SGSM2: variants seen among roughly 807,000 people sequenced by gnomAD.
The protein encoded by SGSM2 is small G protein signaling modulator 2.
SGSM2 carries 89 observed loss-of-function variants against 126.6 expected under a neutral mutation model. The observed-to-expected ratio is 0.70, with a 90% CI of 0.59 to 0.84. The LOEUF is 0.84. SGSM2 is among the 40% of genes least tolerant of loss of function. The probability of loss-of-function intolerance (pLI) is 0.00; values close to 1 mark genes in which losing one functional copy is unlikely to be tolerated. For missense variants in SGSM2, 1,404 were observed against 1,416.6 expected (o/e 0.99, Z 0.14); for synonymous variants, 614 against 574.3 (o/e 1.07, Z -0.99).
rs1036687145 is a variant in SGSM2 at position 2,380,068 on chromosome 17, C to T, written c.*548C>T. 1.1e-5 allele frequency: 16 copies of T among 1,409,618 alleles called. No homozygotes were observed. The highest frequency in any genetic ancestry group is 2.6e-4 in the Middle Eastern group (1 of 3,812). The allele number at this position is 1,409,618 out of a possible 1,614,324, so 87.3% of individuals were successfully genotyped here. On this transcript the variant is annotated 3_prime_UTR_variant, in exon 24 of 24. Transcript: ENST00000268989. Reference sequence around the variant, plus strand: ...AGACCCGGGCACGGGAGACCCGGGCCGCCTTCAGGCCGCTCCCCCGAGATT... The same window carrying T: ...AGACCCGGGCACGGGAGACCCGGGCTGCCTTCAGGCCGCTCCCCCGAGATT...
rs1567858264 is a variant in SGSM2, at chr17:2,380,523, C to G, written c.*1003C>G. Reference sequence around the variant, plus strand: ...TCCCTGGTGAGAAGCAAGGCTAGCTCTGCCTTCCACATGCTTCTCAGGATG... The same window carrying G: ...TCCCTGGTGAGAAGCAAGGCTAGCTGTGCCTTCCACATGCTTCTCAGGATG... On this transcript the variant is annotated 3_prime_UTR_variant, in exon 24 of 24. Transcript: ENST00000268989. The G allele has an allele frequency of 1.7e-6, 1 of 594,074 alleles. No individual in the cohort carries two copies. Among genetic ancestry groups the G allele is most frequent in the African/African-American group, 1.9e-5 (1 of 53,718 alleles). The allele number at this position is 594,074 out of a possible 1,614,324, so 36.8% of individuals were successfully genotyped here.
At chr17:2,364,707 G>A in intron 9 of SGSM2, 44 bp downstream of exon 9, 2 of 1,601,342 alleles carry the variant, frequency 1.2e-6, no homozygotes, top group Non-Finnish European at 1.7e-6. Context: ...GGGAGAGGCT[G>A]CCTTCTGCCA....
chr17:2,362,026 G>A lies in SGSM2; in HGVS notation c.297-83G>A. On this transcript the variant is annotated intron_variant, in intron 3 of 23. Transcript: ENST00000268989. This position sits in a 1 kb window ranked among gnomAD's most constrained non-coding sequence, Gnocchi z 4.9. ...CAGTTCTCTGTGCTCCCATCTTGGG[G>A]TACCAAGCCCCACTCCCAATGCCAG... 1 of 1,508,116 alleles carries A rather than the reference G, an allele frequency of 6.6e-7. No individual in the cohort carries two copies. Among genetic ancestry groups the A allele is most frequent in the Non-Finnish European group, 8.9e-7 (1 of 1,123,464 alleles). 93.4% of individuals were successfully genotyped at this position (1,508,116 alleles called of 1,614,324 possible). A position where few individuals can be genotyped will look rare whatever the true frequency, so the allele number is the denominator to read the frequency against.
chr17:2,378,541 AAAG>A, intron 22 of SGSM2, among the ~76,000 whole-genome samples: 1 of 152,228 alleles, frequency 6.6e-6, no homozygotes, highest in East Asian at 1.9e-4. Flanking sequence ...AAAAAAAAAA[AAAG>A]AAAAGAAAAG....
At chr17:2,371,711 G>A (rs2065879844) in intron 13 of SGSM2, 1 of 420,532 alleles carries the variant, frequency 2.4e-6, no homozygotes, top group Non-Finnish European at 4.3e-6. Flanking sequence ...CCGGAGTTGT[G>A]CCGGCACATC....
rs1290051845 is a variant in SGSM2, at chr17:2,362,197, C to A, written c.385C>A (p.His129Asn). The A allele has an allele frequency of 1.2e-6, 2 of 1,614,034 alleles. No individual in the cohort carries two copies. The highest frequency in any genetic ancestry group is 1.6e-4 in the Middle Eastern group (1 of 6,062). Residue 129 changes from histidine to asparagine, a missense_variant, in exon 4 of 24, where the codon CAC (histidine) becomes AAC (asparagine). Transcript: ENST00000268989. This position sits in a 1 kb window ranked among gnomAD's most constrained non-coding sequence, Gnocchi z 4.9. ...APALSPQALK[H>N]VWVRTALIEK... is the part of the protein sequence containing the mutation. ...GGCCCTCAGCCCTCAGGCCTTGAAA[C>A]ACGTATGGGTACGCACGGCGCTCAT... is the stretch of plus-strand genomic sequence containing the variant.
chr17:2,377,253 A>G, intron 21 of SGSM2, 185 bp downstream of exon 21: 1 of 555,932 alleles, frequency 1.8e-6, no homozygotes, highest in Non-Finnish European at 3.2e-6. Flanking sequence ...TAGGAGGCCG[A>G]GGCAGGCGGA....
At position 2,364,889 on chromosome 17, in the gene SGSM2, AC is replaced by A; in HGVS notation, c.1001-3del. On this transcript the variant is annotated splice_region_variant and splice_polypyrimidine_tract_variant and intron_variant, in intron 9 of 23. Transcript: ENST00000268989. ...GGCCTCAGCCGCACTCTCCACGTTCACCCCCAGAGAGCGGTGGCACGCTTGT... is the reference window on the plus strand; with the variant it reads ...GGCCTCAGCCGCACTCTCCACGTTCACCCCAGAGAGCGGTGGCACGCTTGT... 1 of 1,607,134 alleles carries A rather than the reference AC, an allele frequency of 6.2e-7. No individual in the cohort carries two copies.
chr17:2,376,567 T>G (rs1049028644), intron 19 of SGSM2, 166 bp from the exon 20 acceptor site: 2 of 791,942 alleles, frequency 2.5e-6, no homozygotes, highest in African/African-American at 1.7e-5. Flanking sequence ...GGGGGACCCG[T>G]GGGTTGTTCC....
At chr17:2,365,458 C>T (rs2065523746) in intron 11 of SGSM2, 117 bp downstream of exon 11, 1 of 1,230,270 alleles carries the variant, frequency 8.1e-7, no homozygotes, top group African/African-American at 1.5e-5. Context: ...AGGTTAACAC[C>T]AGAGGCTCAT....
At chr17:2,371,004 T>A (rs1403478464) in intron 12 of SGSM2, among the ~76,000 whole-genome samples, 1 of 151,908 alleles carries the variant, frequency 6.6e-6, no homozygotes. Flanking sequence ...CATCCAAGAC[T>A]CAGTCCAAGC....
In SGSM2 at chr17:2,379,526, G is replaced by A. The variant is rs571073343; in HGVS notation, c.*6G>A. 1.2e-6 allele frequency: 2 copies of A among 1,609,188 alleles called. No homozygotes were observed. The highest frequency in any genetic ancestry group is 2.2e-5 in the East Asian group (1 of 44,726). On this transcript the variant is annotated 3_prime_UTR_variant, in exon 24 of 24. Transcript: ENST00000268989. ...TGCTCATAGAGAACAAGTGAGCTGG[G>A]GCCAGGAGGCAGCAGCCGTGCAGAG...
intron 1 of SGSM2, among the ~76,000 whole-genome samples, chr17:2,341,526 ACCCT>A (rs1381705832): frequency 6.6e-6 from 1 of 152,188 alleles, no homozygotes; most frequent in Non-Finnish European, 1.5e-5. Flanking sequence ...AGGTTCTACC[ACCCT>A]CCAAACTATA....
chr17:2,363,314 G>A lies in SGSM2; in HGVS notation c.673-151G>A, dbSNP rs2065404820. 2.0e-5 allele frequency: 28 copies of A among 1,388,966 alleles called. No homozygotes were observed. The highest frequency in any genetic ancestry group is 2.5e-4 in the Middle Eastern group (1 of 4,024). 86.0% of individuals were successfully genotyped at this position (1,388,966 alleles called of 1,614,324 possible). ...AAATGCCGGGAGCCCATGCTGGTCC[G>A]TGGCTGGAGAGCAGAGGGTGGCTGG... On this transcript the variant is annotated intron_variant, in intron 6 of 23. Transcript: ENST00000268989. The surrounding 1 kb of genome is among the most constrained non-coding windows in gnomAD (Gnocchi z 4.2).
intron 12 of SGSM2, 109 bp from the exon 13 acceptor site, chr17:2,371,153 C>T: frequency 7.9e-7 from 1 of 1,269,992 alleles, no homozygotes; most frequent in South Asian, 1.5e-5. Context: ...GATTTTCCAC[C>T]CATGGGTGAC....
At position 2,379,337 on chromosome 17, in the gene SGSM2, G is replaced by A. The variant is rs983337300; in HGVS notation, c.3068-95G>A. On this transcript the variant is annotated intron_variant, in intron 23 of 23. Coordinates refer to ENST00000268989, the MANE Select transcript of SGSM2 (RefSeq NM_014853.3). ...CAAAGGCCGGGATGTCAAGAATCTA[G>A]CAGAGCAGATGGAAACAGAGCAGGG... 4.5e-6 allele frequency: 7 copies of A among 1,564,622 alleles called. No homozygotes were observed. The African/African-American group carries it at 6.7e-5, about 15-fold the overall frequency.
chr17:2,378,029 C>A, intron 22 of SGSM2, 76 bp downstream of exon 22: 1 of 956,300 alleles, frequency 1.0e-6, no homozygotes, highest in Non-Finnish European at 1.7e-6. Context: ...CAACAGTTCT[C>A]AATCCTAACT....
chr17:2,379,015 G>A, intron 22 of SGSM2, 21 bp from the exon 23 acceptor site: 1 of 1,607,726 alleles, frequency 6.2e-7, no homozygotes, highest in Non-Finnish European at 8.5e-7. Flanking sequence ...CGGGTGAGCA[G>A]CAGCCGCTTA....
rs2064141669 is a variant in SGSM2 at position 2,337,754 on chromosome 17, G to C, written c.57+9G>C. The C allele has an allele frequency of 2.0e-6, 3 of 1,527,722 alleles. No individual in the cohort carries two copies. Among genetic ancestry groups the C allele is most frequent in the Non-Finnish European group, 2.6e-6 (3 of 1,133,664 alleles). 94.6% of individuals were successfully genotyped at this position (1,527,722 alleles called of 1,614,324 possible). A position where few individuals can be genotyped will look rare whatever the true frequency, so the allele number is the denominator to read the frequency against. On this transcript the variant is annotated intron_variant, in intron 1 of 23. Coordinates refer to ENST00000268989, the MANE Select transcript of SGSM2 (RefSeq NM_014853.3). The surrounding 1 kb of genome is among the most constrained non-coding windows in gnomAD (Gnocchi z 5.1). ...GGAACGTGAAGAAGGAGGTAAAGTC[G>C]AGTCAAGAACCCCGGGGGGCTCGCG... is the stretch of plus-strand genomic sequence containing the variant.
Sources: gnomAD v4.1 joint callset for allele counts (sites outside exome capture counted in the v4.1 genomes callset) on GRCh38, gnomAD v4.1.1 for gene constraint, Gnocchi (gnomAD v3.1) non-coding constraint, MANE v1.5 for transcripts, NCBI Gene and HGNC (gene_info 2026-07-23, HGNC 2026-07-21) for gene names.